SELENOW: variants seen among roughly 807,000 people sequenced by gnomAD.
SELENOW encodes selenoprotein W, 1.
SELENOW carries 20 observed loss-of-function variants against 16.6 expected under a neutral mutation model. The observed-to-expected ratio is 1.21, with a 90% CI of 0.85 to 1.76. SELENOW has a LOEUF of 1.76. Among genes scored for constraint, SELENOW ranks in the 40% most tolerant of loss-of-function variants. SELENOW has a pLI of 0.00. For synonymous variants in SELENOW, 44 were observed against 46.2 expected (o/e 0.95, Z 0.19); for missense variants, 124 against 111.0 (o/e 1.12, Z -0.53).
chr19:47,781,132 A>G lies in SELENOW; in HGVS notation c.133A>G (p.Thr45Ala). The G allele has an allele frequency of 6.2e-7, 1 of 1,613,652 alleles. No homozygotes were observed. Among genetic ancestry groups the G allele is most frequent in the South Asian group, 1.1e-5 (1 of 91,062 alleles). The change falls in exon 4 of 6, where the codon ACC becomes GCC. Residue 45 changes from threonine (T) to alanine (A), a missense_variant. Physicochemically the swap from Thr to Ala is moderately conservative, Grantham distance 58. Coordinates refer to ENST00000601048, the MANE Select transcript of SELENOW (RefSeq NM_003009.4). ...DICGEGTPQA[T>A]GFFEVMVAGK... ...GTGCGGCGAGGGAACTCCCCAGGCC[A>G]CCGGGTTCTTTGAAGTGATGGTAGC...
intron 1 of SELENOW, chr19:47,780,434 C>T (rs987769347): frequency 7.7e-6 from 4 of 518,712 alleles, no homozygotes; most frequent in African/African-American, 5.8e-5. Flanking sequence ...TCCTCTCTCC[C>T]CTTTTTCCCC....
rs1365554755 is a variant in SELENOW, at chr19:47,781,311, A to G, written c.205A>G (p.Thr69Ala). 1.1e-5 allele frequency: 18 copies of G among 1,613,404 alleles called. No individual in the cohort carries two copies. The highest frequency in any genetic ancestry group is 1.5e-5 in the Non-Finnish European group (18 of 1,179,666). The change falls in exon 5 of 6, where the codon ACA (threonine) becomes GCA (alanine). Residue 69 changes from threonine to alanine, a missense_variant. By Grantham distance (58) the Thr-to-Ala change is moderately conservative. Coordinates refer to ENST00000601048, the MANE Select transcript of SELENOW (RefSeq NM_003009.4). ...CTAGAAAGGCGATGGCTACGTGGAC[A>G]CAGAAAGCAAGTTTCTGAAGTTGGT... ...SKKKGDGYVD[T>A]ESKFLKLVAA...
chr19:47,778,965 G>A, intron 1 of SELENOW, 151 bp downstream of exon 1: 2 of 710,594 alleles, frequency 2.8e-6, no homozygotes, highest in East Asian at 3.0e-5. Context: ...GCGTACGGAG[G>A]GGCGAAAAAC....
intron 5 of SELENOW, chr19:47,782,854 G>A (rs986788107): frequency 3.3e-5 from 5 of 152,198 alleles, no homozygotes; most frequent in African/African-American, 7.2e-5. Context: ...ATTGTTTCCA[G>A]CCTAATACAT....
chr19:47,780,407 T>G, intron 1 of SELENOW: 2 of 465,978 alleles, frequency 4.3e-6, no homozygotes, highest in Non-Finnish European at 4.0e-6. Context: ...GTCTCTCGTA[T>G]TTGTGGTCTC....
In SELENOW at chr19:47,781,099, T is replaced by C; in HGVS notation, c.109-9T>C. On this transcript the variant is annotated splice_polypyrimidine_tract_variant and intron_variant, in intron 3 of 5. Coordinates refer to ENST00000601048, the MANE Select transcript of SELENOW (RefSeq NM_003009.4). ...CCCCTCCAACATCTCCCCTACCCCC[T>C]TTCCTCAGTGCGGCGAGGGAACTCC... 6.2e-7 allele frequency: 1 copy of C among 1,613,222 alleles called. No individual in the cohort carries two copies. Among genetic ancestry groups the C allele is most frequent in the Non-Finnish European group, 8.5e-7 (1 of 1,179,292 alleles).
Position 47,778,782 on chromosome 19 carries a change from AGCCATGGCTCTC to A in SELENOW, c.1_12del (p.MetAlaLeuAla1_?4). On this transcript the variant is annotated start_lost and 5_prime_UTR_variant, in exon 1 of 6. Transcript: ENST00000601048. ...CTCCTCAGCGGATGTGGCAGCCCCG[AGCCATGGCTCTC>A]GCCGTCCGAGTCGTTTATTGGTAAG... The A allele has an allele frequency of 6.2e-7, 1 of 1,604,972 alleles. No homozygotes were observed. Among genetic ancestry groups the A allele is most frequent in the Middle Eastern group, 1.7e-4 (1 of 6,020 alleles).
At position 47,778,889 on chromosome 19, in the gene SELENOW, C is replaced by T; in HGVS notation, c.29+75C>T. 3 of 1,475,384 alleles carry T rather than the reference C, an allele frequency of 2.0e-6. No individual in the cohort carries two copies. In the South Asian group the frequency reaches 3.6e-5, roughly 18 times the overall value. 91.4% of individuals were successfully genotyped at this position (1,475,384 alleles called of 1,614,324 possible). ...ATTCTCGGAGCCGGGGTCAGGGAGC[C>T]CCGGGGAGAGGACCCATGGGAGCCC... On this transcript the variant is annotated intron_variant, in intron 1 of 5. Transcript: ENST00000601048.
chr19:47,784,104 T>C (rs1967505746), intron 5 of SELENOW, 186 bp from the exon 6 acceptor site: 1 of 152,154 alleles, frequency 6.6e-6, no homozygotes, highest in Admixed American at 6.6e-5. Context: ...TTCACCATGT[T>C]GCCCAGACTG....
intron 1 of SELENOW, chr19:47,779,083 T>A (rs1024011060): frequency 3.2e-5 from 16 of 494,514 alleles, no homozygotes; most frequent in Non-Finnish European, 4.7e-5. Context: ...AACCCCCGAC[T>A]CCGGGGCTCC....
rs11551812 is a variant in SELENOW, at chr19:47,784,546, C to G, written c.*275C>G. 1 of 152,174 alleles carries G rather than the reference C, an allele frequency of 6.6e-6. No homozygotes were observed. Among genetic ancestry groups the G allele is most frequent in the Admixed American group, 6.6e-5 (1 of 15,246 alleles). The allele number at this position is 152,174 out of a possible 1,614,324, so 9.4% of individuals were successfully genotyped here. ...TACCCCATGTCTTCCCCAGTTGTCC[C>G]CTGGAGTTTGGGGGGACATCCCGCC... On this transcript the variant is annotated 3_prime_UTR_variant, in exon 6 of 6. Coordinates refer to ENST00000601048, the MANE Select transcript of SELENOW (RefSeq NM_003009.4).
In SELENOW at chr19:47,781,381, A is replaced by G. The variant is rs1228971138; in HGVS notation, c.*11A>G. On this transcript the variant is annotated 3_prime_UTR_variant, in exon 5 of 6. Transcript: ENST00000601048. ...TTGGCTCAGGGCTAATGCGCCCTGAAGGCAGAGGTGAGGGGGCCCACTAGA... is the reference window on the plus strand; with the variant it reads ...TTGGCTCAGGGCTAATGCGCCCTGAGGGCAGAGGTGAGGGGGCCCACTAGA... 6.5e-7 allele frequency: 1 copy of G among 1,548,680 alleles called. No homozygotes were observed. Among genetic ancestry groups the G allele is most frequent in the Admixed American group, 1.9e-5 (1 of 53,166 alleles).
chr19:47,778,891 C>T, intron 1 of SELENOW, 77 bp downstream of exon 1: 3 of 1,449,404 alleles, frequency 2.1e-6, no homozygotes, highest in South Asian at 2.5e-5. Context: ...CAGGGAGCCC[C>T]GGGGAGAGGA....
intron 5 of SELENOW, chr19:47,781,653 C>T: frequency 1.9e-6 from 1 of 515,214 alleles, no homozygotes; most frequent in Admixed American, 3.3e-5. Flanking sequence ...TGCAGGATGA[C>T]AGCTGAGATG....
intron 1 of SELENOW, 112 bp downstream of exon 1, chr19:47,778,926 A>G: frequency 2.7e-6 from 3 of 1,092,804 alleles, no homozygotes; most frequent in Non-Finnish European, 3.9e-6. Context: ...TGTATGGGAA[A>G]AGGGAGCCCC....
chr19:47,778,818 A>AGG lies in SELENOW; in HGVS notation c.29+5_29+6insGG. The AGG allele has an allele frequency of 7.2e-7, 1 of 1,387,086 alleles. No homozygotes were observed. The highest frequency in any genetic ancestry group is 9.8e-7 in the Non-Finnish European group (1 of 1,018,120). The allele number at this position is 1,387,086 out of a possible 1,614,324, so 85.9% of individuals were successfully genotyped here. A position where few individuals can be genotyped will look rare whatever the true frequency, so the allele number is the denominator to read the frequency against. On this transcript the variant is annotated splice_donor_region_variant and intron_variant, in intron 1 of 5. Coordinates refer to ENST00000601048, the MANE Select transcript of SELENOW (RefSeq NM_003009.4). ...TCGCCGTCCGAGTCGTTTATTGGTA[A>AGG]GCCCAGCGGCCAGCGGCCCCCGTCC... is the stretch of plus-strand genomic sequence containing the variant.
At chr19:47,782,548 C>CTTTCT (rs1555797733) in intron 5 of SELENOW, 1 of 149,322 alleles carries the variant, frequency 6.7e-6, no homozygotes, top group African/African-American at 2.5e-5. Context: ...TTCTTTCTTT[C>CTTTCT]TTTTTTTTTT....
Position 47,778,814 on chromosome 19 carries a change from G to A in SELENOW, c.29G>A (p.Cys10Tyr), listed in dbSNP as rs756844024. The change falls in exon 1 of 6, where the codon TGT (cysteine) becomes TAT (tyrosine). Residue 10 changes from cysteine to tyrosine, a missense_variant and splice_region_variant. Coordinates refer to ENST00000601048, the MANE Select transcript of SELENOW (RefSeq NM_003009.4). ...GCTCTCGCCGTCCGAGTCGTTTATT[G>A]GTAAGCCCAGCGGCCAGCGGCCCCC... MALAVRVVY[C>Y]GAUGYKSKYL... The A allele has an allele frequency of 6.3e-7, 1 of 1,583,158 alleles. No homozygotes were observed. The highest frequency in any genetic ancestry group is 1.4e-5 in the African/African-American group (1 of 69,232).
chr19:47,781,391 G>T lies in SELENOW; in HGVS notation c.*18+3G>T. 6.7e-7 allele frequency: 1 copy of T among 1,496,878 alleles called. No individual in the cohort carries two copies. Among genetic ancestry groups the T allele is most frequent in the Non-Finnish European group, 9.2e-7 (1 of 1,090,956 alleles). The allele number at this position is 1,496,878 out of a possible 1,614,324, so 92.7% of individuals were successfully genotyped here. On this transcript the variant is annotated splice_donor_region_variant and intron_variant, in intron 5 of 5. Transcript: ENST00000601048. ...GCTAATGCGCCCTGAAGGCAGAGGTGAGGGGGCCCACTAGACAGGGACACC... is the reference window on the plus strand; with the variant it reads ...GCTAATGCGCCCTGAAGGCAGAGGTTAGGGGGCCCACTAGACAGGGACACC...
Sources: gnomAD v4.1 joint callset for allele counts on GRCh38, gnomAD v4.1.1 for gene constraint, MANE v1.5 for transcripts, NCBI Gene and HGNC (gene_info 2026-07-23, HGNC 2026-07-21) for gene names.